The following STK11 variants were observed in gnomAD, a reference collection of about 807,000 sequenced individuals.
STK11 encodes serine/threonine-protein kinase STK11.
A neutral mutation model predicts 47.3 loss-of-function variants in STK11; 8 were observed. The ratio of observed to expected loss-of-function variants is 0.17; its 90% CI spans 0.10 to 0.31. STK11 has a LOEUF of 0.31. STK11 is among the 10% of genes least tolerant of loss of function. The pLI is 1.00. For missense variants in STK11, 475 were observed against 605.0 expected, an observed-to-expected ratio of 0.79 and a Z score of 2.25; for synonymous variants, 330 against 255.8, an observed-to-expected ratio of 1.29 and a Z score of -2.77.
chr19:1,210,996 A>G (rs552747132), intron 1 of STK11, among the ~76,000 whole-genome samples: 10 of 152,344 alleles, frequency 6.6e-5, no homozygotes, highest in African/African-American at 2.2e-4. Flanking sequence ...CCCTCTCTCT[A>G]CTAAAAATAG....
intron 1 of STK11, chr19:1,216,267 G>T (rs2080744076): frequency 5.9e-6 from 1 of 170,806 alleles, no homozygotes; most frequent in Non-Finnish European, 1.3e-5. Flanking sequence ...CCCTCCACCA[G>T]CTCCTGGCCA....
At chr19:1,225,712 C>G in intron 8 of STK11, 1 of 985,614 alleles carries the variant, frequency 1.0e-6, no homozygotes, top group Non-Finnish European at 1.2e-6. Context: ...CAGCCCGGGG[C>G]GGCCTCCCAC....
intron 5 of STK11, 76 bp downstream of exon 5, chr19:1,220,793 C>T: frequency 3.9e-6 from 6 of 1,532,866 alleles, no homozygotes; most frequent in Non-Finnish European, 5.3e-6. Context: ...AGCTGCCGGC[C>T]TGTGGGCGCA....
Position 1,207,917 on chromosome 19 carries a change from T to A in STK11, c.290+714T>A, listed in dbSNP as rs577869506. 3.3e-5 allele frequency among the ~76,000 whole-genome samples: 5 copies of A among 152,284 alleles called. No individual in the cohort carries two copies. The East Asian group carries it at 5.8e-4, about 18-fold the overall frequency. Reference sequence around the variant, plus strand: ...GGCATCCCGGACGCCTCTGCATCTGTGCGCGGAGAAGCTCCTACCTAGGGC... The same window carrying A: ...GGCATCCCGGACGCCTCTGCATCTGAGCGCGGAGAAGCTCCTACCTAGGGC... On this transcript the variant is annotated intron_variant, in intron 1 of 9. Transcript: ENST00000326873.
intron 6 of STK11, chr19:1,221,677 C>T (rs541945250): frequency 3.0e-4 from 177 of 587,188 alleles, no homozygotes; most frequent in Non-Finnish European, 5.0e-4. Context: ...TGGCACTGGC[C>T]GTCCGTCCAT....
intron 9 of STK11, chr19:1,227,310 C>G (rs2080831984): frequency 5.4e-6 from 1 of 185,618 alleles, no homozygotes; most frequent in African/African-American, 2.4e-5. Flanking sequence ...CACAGCCCCT[C>G]TCCCAGGTTT....
rs2080672352 is a variant in STK11 at position 1,207,107 on chromosome 19, A to T, written c.194A>T (p.Glu65Val). The change falls in exon 1 of 10, where the codon GAG (glutamate) becomes GTG (valine). Residue 65 changes from glutamate (E) to valine (V), a missense_variant. Physicochemically the swap from Glu to Val is moderately radical, Grantham distance 121. This residue lies in a region of STK11 where 47 missense variants were observed against 103.7 expected (regional missense o/e 0.45). Transcript: ENST00000326873. ...GAAGGCTCTTACGGCAAGGTGAAGG[A>T]GGTGCTGGACTCGGAGACGCTGTGC... ...LGEGSYGKVK[E>V]VLDSETLCRR... 1 of 1,613,762 alleles carries T rather than the reference A, an allele frequency of 6.2e-7. No individual in the cohort carries two copies. Among genetic ancestry groups the T allele is most frequent in the African/African-American group, 1.3e-5 (1 of 74,902 alleles).
At chr19:1,225,941 G>A (rs977889989) in intron 8 of STK11, 2 of 993,014 alleles carry the variant, frequency 2.0e-6, no homozygotes, top group African/African-American at 3.5e-5. Context: ...GCAGGGACTG[G>A]GGGCAGCTGG....
At chr19:1,211,417 G>T (rs564218339) in intron 1 of STK11, among the ~76,000 whole-genome samples, 1 of 152,076 alleles carries the variant, frequency 6.6e-6, no homozygotes, top group African/African-American at 2.4e-5. Flanking sequence ...CTTCTCGGGG[G>T]ACAGCACGGC....
In STK11 at chr19:1,222,890, T is replaced by A; in HGVS notation, c.921-95T>A. ...ACGGCCTGGTCCCAGCTCCTGAGTG[T>A]GTGGCAGGTACCCTGGGCCCAGAGG... On this transcript the variant is annotated intron_variant, in intron 7 of 9. Transcript: ENST00000326873. 4.4e-6 allele frequency: 6 copies of A among 1,370,218 alleles called. No homozygotes were observed. In the South Asian group the frequency reaches 8.6e-5, roughly 20 times the overall value. The allele number at this position is 1,370,218 out of a possible 1,614,324, so 84.9% of individuals were successfully genotyped here. A position where few individuals can be genotyped will look rare whatever the true frequency, so the allele number is the denominator to read the frequency against.
At chr19:1,208,784 ATTT>A (rs138858798) in intron 1 of STK11, among the ~76,000 whole-genome samples, 3 of 121,766 alleles carry the variant, frequency 2.5e-5, no homozygotes, top group Non-Finnish European at 3.4e-5. Flanking sequence ...TGCCCAGCTA[ATTT>A]TTTTTTTTTT....
chr19:1,208,634 T>TTTTTTTG (rs2080686780), intron 1 of STK11, among the ~76,000 whole-genome samples: 2 of 107,608 alleles, frequency 1.9e-5, no homozygotes, highest in Non-Finnish European at 1.9e-5. Context: ...TTTTTTTTTT[T>TTTTTTTG]GAGACGGAGT....
At position 1,221,209 on chromosome 19, in the gene STK11, G is replaced by T; in HGVS notation, c.735-4G>T. The T allele has an allele frequency of 1.2e-6, 2 of 1,611,724 alleles. No individual in the cohort carries two copies. The highest frequency in any genetic ancestry group is 1.7e-6 in the Non-Finnish European group (2 of 1,178,978). On this transcript the variant is annotated splice_polypyrimidine_tract_variant and splice_region_variant and intron_variant, in intron 5 of 9. Coordinates refer to ENST00000326873, the MANE Select transcript of STK11 (RefSeq NM_000455.5). ...CGCCTTTCTTCCCTCCCCTCGAAAT[G>T]AAGCTACAACATCACCACGGGTCTG...
At chr19:1,225,276 CTT>C (rs540247998) in intron 8 of STK11, 497 of 829,956 alleles carry the variant, frequency 6.0e-4, no homozygotes, top group Non-Finnish European at 6.2e-4. Flanking sequence ...TCTTTTTTAT[CTT>C]TTTTTTTTTT....
intron 1 of STK11, among the ~76,000 whole-genome samples, chr19:1,214,576 G>A (rs1243649992): frequency 6.6e-6 from 1 of 152,122 alleles, no homozygotes; most frequent in Non-Finnish European, 1.5e-5. Context: ...GCGCAGGGAG[G>A]TTTCCAGGAG....
intron 5 of STK11, 34 bp downstream of exon 5, chr19:1,220,751 C>T (rs558087029): frequency 7.6e-6 from 12 of 1,588,208 alleles, no homozygotes; most frequent in South Asian, 2.3e-5. Context: ...ACTCACCACA[C>T]GCACACTCCG....
intron 8 of STK11, chr19:1,226,005 C>A (rs12977689): frequency 0.2 from 202,575 of 1,005,316 alleles, 21,348 homozygotes; most frequent in East Asian, 0.32. Context: ...TGGCATTTCG[C>A]GTGCCTGGCC....
chr19:1,220,214 C>A, intron 3 of STK11, 159 bp from the exon 4 acceptor site: 1 of 977,362 alleles, frequency 1.0e-6, no homozygotes, highest in Non-Finnish European at 1.5e-6. Context: ...AGGTGTGGCT[C>A]CCTGCTGGAC....
At chr19:1,226,424 C>T (rs1471816471) in intron 8 of STK11, 30 bp from the exon 9 acceptor site, 2 of 1,602,728 alleles carry the variant, frequency 1.2e-6, no homozygotes, top group Admixed American at 1.7e-5. Context: ...CGCCCCTCAG[C>T]TCAGGCCACA....
Sources: gnomAD v4.1 joint callset for allele counts (sites outside exome capture counted in the v4.1 genomes callset) on GRCh38, gnomAD v4.1.1 for gene constraint, gnomAD v4.1.1 regional missense constraint, MANE v1.5 for transcripts, NCBI Gene and HGNC (gene_info 2026-07-23, HGNC 2026-07-21) for gene names.